ERAP1: variants seen among roughly 807,000 people sequenced by gnomAD.
ERAP1 encodes the protein adipocyte-derived leucine aminopeptidase.
ERAP1 carries 86 observed loss-of-function variants against 103.7 expected under a neutral mutation model. That is an observed-to-expected ratio of 0.83 (90% CI 0.70 to 0.99). The LOEUF is 0.99. Among genes scored for constraint, ERAP1 ranks in the 50% least tolerant of loss-of-function variants. The pLI, the probability that ERAP1 is intolerant of heterozygous loss-of-function variation, is 0.00. For missense variants in ERAP1, 1,009 were observed against 1,128.4 expected (o/e 0.89, Z 1.52); for synonymous variants, 398 against 402.4 (o/e 0.99, Z 0.13).
chr5:96,882,506 TTCC>T, the ERAP1 span, among the ~76,000 whole-genome samples: 1 of 152,252 alleles, frequency 6.6e-6, no homozygotes, highest in African/African-American at 2.4e-5. Flanking sequence ...TCTCTCTTTC[TTCC>T]TCACTTCTTC....
At chr5:96,925,135 T>C in the ERAP1 span, among the ~76,000 whole-genome samples, 1 of 152,240 alleles carries the variant, frequency 6.6e-6, no homozygotes, top group African/African-American at 2.4e-5. Flanking sequence ...GGTTTGCTAT[T>C]ACAAGTCTAA....
chr5:96,808,187 C>CGTGTGTGTGTGTGTGTGTGTGTGT (rs748632954), upstream of ERAP1: 6 of 770,898 alleles, frequency 7.8e-6, no homozygotes, highest in Admixed American at 3.1e-4. Flanking sequence ...AACGCGGATC[C>CGTGTGTGTGTGTGTGTGTGTGTGT]GTGTGTGTGT....
the ERAP1 span, among the ~76,000 whole-genome samples, chr5:96,838,161 T>A: frequency 6.6e-6 from 1 of 152,012 alleles, no homozygotes; most frequent in South Asian, 2.1e-4. Context: ...AAGGGTGGGG[T>A]CCTCGCAGCG....
the ERAP1 span, among the ~76,000 whole-genome samples, chr5:96,911,757 C>T: frequency 7.7e-4 from 117 of 151,512 alleles, no homozygotes; most frequent in African/African-American, 2.7e-3. Context: ...CCTATAATCA[C>T]AGCTGCTCAG....
chr5:96,895,296 G>T, the ERAP1 span: 835,855 of 1,610,802 alleles, frequency 0.52, 218,341 homozygotes, highest in Admixed American at 0.61. Context: ...TTTGGCTTAA[G>T]GAGGGTTTTG....
chr5:96,894,177 T>G, the ERAP1 span, among the ~76,000 whole-genome samples: 29 of 152,220 alleles, frequency 1.9e-4, no homozygotes, highest in African/African-American at 6.8e-4. Flanking sequence ...CGCAGTAGGT[T>G]CTCCGTAGGT....
chr5:96,908,434 T>C, the ERAP1 span, among the ~76,000 whole-genome samples: 1 of 152,224 alleles, frequency 6.6e-6, no homozygotes, highest in East Asian at 1.9e-4. Context: ...AATACTTGTT[T>C]TGTCCTATTC....
chr5:96,784,519 T>C (rs997306855), intron 13 of ERAP1, among the ~76,000 whole-genome samples: 3 of 152,134 alleles, frequency 2.0e-5, no homozygotes, highest in African/African-American at 7.2e-5. Flanking sequence ...ATAACTACTA[T>C]ATAAGTCTCT....
chr5:96,781,008 G>C, intron 17 of ERAP1, 50 bp downstream of exon 17: 1 of 1,608,732 alleles, frequency 6.2e-7, no homozygotes, highest in Non-Finnish European at 8.5e-7. Context: ...CTAAAACACA[G>C]TAAGGTTATG....
intron 11 of ERAP1, 21 bp from the exon 12 acceptor site, chr5:96,786,570 A>C: frequency 6.7e-7 from 1 of 1,484,426 alleles, no homozygotes; most frequent in Non-Finnish European, 9.4e-7. Flanking sequence ...GGAGAGGTGG[A>C]TTGTTCATTT....
In ERAP1 at chr5:96,776,146, C is replaced by A. The variant is rs1774253838; in HGVS notation, c.*250G>T. 1 of 1,477,598 alleles carries A rather than the reference C, an allele frequency of 6.8e-7. No individual in the cohort carries two copies. 91.5% of individuals were successfully genotyped at this position (1,477,598 alleles called of 1,614,324 possible). A position where few individuals can be genotyped will look rare whatever the true frequency, so the allele number is the denominator to read the frequency against. On this transcript the variant is annotated 3_prime_UTR_variant, in exon 19 of 19. Transcript: ENST00000443439. ...AATGAGAAGAATAAGGTACTTTATT[C>A]TTCTGTGGCAGGGAACCCAACACTT...
At chr5:96,785,607 A>C (rs1438319644) in intron 13 of ERAP1, 181 bp downstream of exon 13, 1 of 652,404 alleles carries the variant, frequency 1.5e-6, no homozygotes, top group Non-Finnish European at 2.7e-6. Flanking sequence ...GTGCCTTAGT[A>C]GTCACAGACA....
At chr5:96,771,701 TG>T, downstream of ERAP1, 1 of 1,596,790 alleles carries the variant, frequency 6.3e-7, no homozygotes. Context: ...TTAAGGTATC[TG>T]GTAAGTTGGG....
At chr5:96,935,156 A>G in the ERAP1 span, 4,904 of 152,286 alleles carry the variant, frequency 0.032, 150 homozygotes, top group South Asian at 0.088. Flanking sequence ...CCCCAGTGGT[A>G]GCACCCCCGG....
At chr5:96,808,261 T>TGTGTGTGTGTGTGTGTG (rs1387638650), upstream of ERAP1, 68 of 837,682 alleles carry the variant, frequency 8.1e-5, no homozygotes, top group Admixed American at 9.1e-4. Flanking sequence ...TGTGTGTGTG[T>TGTGTGTGTGTGTGTGTG]TGAGATGCTT....
chr5:96,789,200 G>A (rs978206855), intron 10 of ERAP1, among the ~76,000 whole-genome samples: 6 of 152,152 alleles, frequency 3.9e-5, no homozygotes, highest in Non-Finnish European at 8.8e-5. Context: ...TTAAGAAGTA[G>A]TAAAGGCTGG....
At chr5:96,849,654 A>T in the ERAP1 span, among the ~76,000 whole-genome samples, 143 of 152,344 alleles carry the variant, frequency 9.4e-4, 1 homozygote, top group African/African-American at 3.3e-3. Context: ...TGATTAGAAG[A>T]ATTAATATTG....
At chr5:96,807,472 T>TCCAGGCG (rs1778761463) in intron 1 of ERAP1, among the ~76,000 whole-genome samples, 1 of 152,152 alleles carries the variant, frequency 6.6e-6, no homozygotes, top group Non-Finnish European at 1.5e-5. Flanking sequence ...CTGGCAGGCA[T>TCCAGGCG]CCAGGCGCCA....
the ERAP1 span, chr5:96,901,620 C>T: frequency 6.2e-7 from 1 of 1,614,022 alleles, no homozygotes; most frequent in East Asian, 2.2e-5. Flanking sequence ...CCGACTGCAA[C>T]AGGAGCGCTT....
Sources: gnomAD v4.1 joint callset for allele counts (sites outside exome capture counted in the v4.1 genomes callset) on GRCh38, gnomAD v4.1.1 for gene constraint, MANE v1.5 for transcripts, NCBI Gene and HGNC (gene_info 2026-07-23, HGNC 2026-07-21) for gene names.